ADGRB3: variants seen among roughly 807,000 people sequenced by gnomAD.
ADGRB3 encodes the protein adhesion G protein-coupled receptor B3.
Under a neutral mutation model 193.4 loss-of-function variants are expected in ADGRB3, and 37 were observed. The observed-to-expected ratio is 0.19, with a 90% CI of 0.15 to 0.25. The LOEUF is 0.25. ADGRB3 is among the 10% of genes least tolerant of loss of function. The probability of loss-of-function intolerance (pLI) is 1.00; values close to 1 mark genes in which losing one functional copy is unlikely to be tolerated. For missense variants in ADGRB3, 1,637 were observed against 1,852.9 expected (o/e 0.88, Z 2.14); for synonymous variants, 690 against 644.2 (o/e 1.07, Z -1.08).
chr6:69,048,035 A>G (rs1052820730), intron 13 of ADGRB3, 150 bp from the exon 14 acceptor site: 10 of 854,234 alleles, frequency 1.2e-5, no homozygotes, highest in Non-Finnish European at 1.6e-5. Flanking sequence ...AATTTTGTCT[A>G]ATAAGACATA....
At chr6:69,102,898 G>A (rs1773104600) in intron 17 of ADGRB3, among the ~76,000 whole-genome samples, 1 of 152,114 alleles carries the variant, frequency 6.6e-6, no homozygotes, top group Non-Finnish European at 1.5e-5. Flanking sequence ...TATGGTTAGA[G>A]TTATTCTAAT....
In ADGRB3 at chr6:69,202,193, G is replaced by A. The variant is rs78692807; in HGVS notation, c.2481-31097G>A. Reference sequence around the variant, plus strand: ...GGTCACAAATACCCTAATGTTGATAGGCAAGTTGTCTCATAAAAATGATGT... The same window carrying A: ...GGTCACAAATACCCTAATGTTGATAAGCAAGTTGTCTCATAAAAATGATGT... On this transcript the variant is annotated intron_variant, in intron 17 of 31. Transcript: ENST00000370598. Among the ~76,000 whole-genome samples, 1,105 of 152,202 alleles carry A rather than the reference G, an allele frequency of 7.3e-3. 14 individuals are homozygous for A. Among genetic ancestry groups the A allele is most frequent in the African/African-American group, 0.025 (1,033 of 41,530 alleles).
At chr6:69,344,622 A>G (rs961526972) in intron 26 of ADGRB3, among the ~76,000 whole-genome samples, 2 of 152,206 alleles carry the variant, frequency 1.3e-5, no homozygotes, top group African/African-American at 4.8e-5. Context: ...TGCATATAAT[A>G]TAGTTCAGAT....
intron 23 of ADGRB3, among the ~76,000 whole-genome samples, 156 bp downstream of exon 23, chr6:69,330,728 C>T (rs1768702508): frequency 1.3e-5 from 2 of 151,926 alleles, no homozygotes; most frequent in African/African-American, 4.8e-5. Context: ...TATTATTCAG[C>T]CCTTTATTAT....
At position 69,074,171 on chromosome 6, in the gene ADGRB3, T is replaced by TA. The variant is rs1772159620; in HGVS notation, c.2437-1823dup. Among the ~76,000 whole-genome samples, 4 of 151,878 alleles carry TA rather than the reference T, an allele frequency of 2.6e-5. No individual in the cohort carries two copies. The East Asian group carries it at 7.8e-4, about 29-fold the overall frequency. On this transcript the variant is annotated intron_variant, in intron 16 of 31. Coordinates refer to ENST00000370598, the MANE Select transcript of ADGRB3 (RefSeq NM_001704.3). ...GATTGCTTAAAAAAAAAAAGTAAGATACCTTGGATATGTGGCCTTTCAGGG... is the reference window on the plus strand; with the variant it reads ...GATTGCTTAAAAAAAAAAAGTAAGATAACCTTGGATATGTGGCCTTTCAGGG...
At chr6:69,149,406 T>C (rs1420426436) in intron 17 of ADGRB3, among the ~76,000 whole-genome samples, 1 of 151,986 alleles carries the variant, frequency 6.6e-6, no homozygotes, top group African/African-American at 2.4e-5. Context: ...TACTTCAATG[T>C]CTTTGTTAAA....
intron 13 of ADGRB3, among the ~76,000 whole-genome samples, chr6:69,021,221 G>T (rs1386104033): frequency 6.6e-6 from 1 of 151,830 alleles, no homozygotes; most frequent in Non-Finnish European, 1.5e-5. Context: ...GTTGGATTAA[G>T]ACTACTTAAA....
At chr6:68,736,859 A>T (rs1765882421) in intron 3 of ADGRB3, among the ~76,000 whole-genome samples, 1 of 152,074 alleles carries the variant, frequency 6.6e-6, no homozygotes, top group Non-Finnish European at 1.5e-5. Flanking sequence ...GACAACTATT[A>T]GTCACTACTA....
intron 3 of ADGRB3, among the ~76,000 whole-genome samples, chr6:68,876,462 C>T (rs1283384092): frequency 6.6e-6 from 1 of 152,074 alleles, no homozygotes; most frequent in Non-Finnish European, 1.5e-5. Context: ...TAGAAAGTGC[C>T]TGGGACTTGA....
At chr6:69,154,791 A>G (rs1215707363) in intron 17 of ADGRB3, among the ~76,000 whole-genome samples, 2 of 152,210 alleles carry the variant, frequency 1.3e-5, no homozygotes, top group Non-Finnish European at 2.9e-5. Flanking sequence ...GTTGCATAGT[A>G]TACCTTAGTC....
At chr6:68,976,848 G>A (rs1488202894) in intron 10 of ADGRB3, among the ~76,000 whole-genome samples, 1 of 151,846 alleles carries the variant, frequency 6.6e-6, no homozygotes, top group East Asian at 1.9e-4. Flanking sequence ...TGTTGTTCAA[G>A]GGCCATTGCT....
intron 3 of ADGRB3, among the ~76,000 whole-genome samples, chr6:68,673,193 G>A (rs1455689543): frequency 6.6e-6 from 1 of 152,100 alleles, no homozygotes; most frequent in Non-Finnish European, 1.5e-5. Flanking sequence ...AAAATAAGTA[G>A]AGATTCTTAT....
intron 3 of ADGRB3, among the ~76,000 whole-genome samples, chr6:68,836,491 G>A (rs892108582): frequency 3.9e-5 from 6 of 152,072 alleles, no homozygotes; most frequent in African/African-American, 1.2e-4. Context: ...GAAGATTCAA[G>A]CAGAGACAGT....
At chr6:68,789,117 G>C (rs532089776) in intron 3 of ADGRB3, among the ~76,000 whole-genome samples, 1 of 151,902 alleles carries the variant, frequency 6.6e-6, no homozygotes, top group Admixed American at 6.6e-5. Context: ...CAATTTGCCA[G>C]TCTGTGTCTT....
At position 68,956,143 on chromosome 6, in the gene ADGRB3, G is replaced by A; in HGVS notation, c.1315G>A (p.Gly439Arg). ...TGCCCATGGAGGCTCCGAATGCAGA[G>A]GGCCATGGGCAGAAAGCAGAGAGTG... ...AAAHGGSECR[G>R]PWAESRECYN... is the part of the protein sequence containing the mutation. Residue 439 changes from glycine to arginine, a missense_variant, in exon 7 of 32, where the codon GGG becomes AGG. Gly to Arg is a moderately radical substitution (Grantham distance 125). Transcript: ENST00000370598. 6.2e-7 allele frequency: 1 copy of A among 1,613,888 alleles called. No individual in the cohort carries two copies. Among genetic ancestry groups the A allele is most frequent in the Non-Finnish European group, 8.5e-7 (1 of 1,179,894 alleles).
chr6:69,036,199 G>A (rs528063261), intron 13 of ADGRB3, among the ~76,000 whole-genome samples: 65 of 152,244 alleles, frequency 4.3e-4, no homozygotes, highest in African/African-American at 1.5e-3. Context: ...GCAGAGAATG[G>A]TTAAAGTGAA....
intron 11 of ADGRB3, among the ~76,000 whole-genome samples, chr6:69,010,459 TA>T (rs978269135): frequency 2.6e-5 from 4 of 151,920 alleles, no homozygotes; most frequent in African/African-American, 9.7e-5. Context: ...CAGCCAGTCA[TA>T]AAAAAATATA....
At chr6:69,034,362 T>C (rs1770803172) in intron 13 of ADGRB3, among the ~76,000 whole-genome samples, 1 of 151,704 alleles carries the variant, frequency 6.6e-6, no homozygotes, top group Non-Finnish European at 1.5e-5. Flanking sequence ...AAATCTAAAA[T>C]ATCTTTAAAA....
At chr6:69,348,001 T>G (rs1051283977) in intron 26 of ADGRB3, among the ~76,000 whole-genome samples, 4 of 152,152 alleles carry the variant, frequency 2.6e-5, no homozygotes, top group Non-Finnish European at 2.9e-5. Context: ...TCATCCCACT[T>G]CTTAGGCAGG....
Sources: gnomAD v4.1 joint callset for allele counts (sites outside exome capture counted in the v4.1 genomes callset) on GRCh38, gnomAD v4.1.1 for gene constraint, MANE v1.5 for transcripts, NCBI Gene and HGNC (gene_info 2026-07-23, HGNC 2026-07-21) for gene names.